The following GNA13 variants were observed in gnomAD, a reference collection of about 807,000 sequenced individuals.
GNA13 encodes the protein G protein subunit alpha 13.
Under a neutral mutation model 33.5 loss-of-function variants are expected in GNA13, and 4 were observed. The observed-to-expected ratio is 0.12, with a 90% confidence interval of 0.06 to 0.27. The LOEUF is 0.27. GNA13 is among the 10% of genes least tolerant of loss of function. The probability of loss-of-function intolerance (pLI) is 1.00; values close to 1 mark genes in which losing one functional copy is unlikely to be tolerated. For synonymous variants in GNA13, 176 were observed against 183.8 expected (o/e 0.96, Z 0.34); for missense variants, 319 against 487.2 (o/e 0.65, Z 3.25).
rs568406996 is a variant in GNA13, at chr17:65,022,322, TG to T, written c.511-4020del. Reference sequence around the variant, plus strand: ...ACTCTCATGACTCTGCACCACTGCTTGGTGCACCACAAACTGCAGTGACACA... The same window carrying T: ...ACTCTCATGACTCTGCACCACTGCTTGTGCACCACAAACTGCAGTGACACA... On this transcript the variant is annotated intron_variant, in intron 2 of 3. Coordinates refer to ENST00000439174, the MANE Select transcript of GNA13 (RefSeq NM_006572.6). Among the ~76,000 whole-genome samples, 411 of 152,018 alleles carry T rather than the reference TG, an allele frequency of 2.7e-3. 2 individuals are homozygous for T. Among genetic ancestry groups the T allele is most frequent in the African/African-American group, 9.6e-3 (396 of 41,442 alleles).
chr17:65,051,015 A>T (rs1907840172), intron 2 of GNA13, among the ~76,000 whole-genome samples: 1 of 152,170 alleles, frequency 6.6e-6, no homozygotes, highest in Non-Finnish European at 1.5e-5. Context: ...ATGCTTTCTC[A>T]ACAATGAGGA....
chr17:65,051,991 A>G (rs867271540), intron 2 of GNA13: 1 of 152,260 alleles, frequency 6.6e-6, no homozygotes, highest in Non-Finnish European at 1.5e-5. Flanking sequence ...TGTCAGTTTT[A>G]TAAAAAGCTA....
chr17:65,038,144 C>A (rs1359677985), intron 2 of GNA13, among the ~76,000 whole-genome samples: 1 of 152,176 alleles, frequency 6.6e-6, no homozygotes, highest in Non-Finnish European at 1.5e-5. Context: ...GTGGCTCATG[C>A]CTGTAATCCC....
At chr17:65,031,886 G>GAGAGAGAC in intron 2 of GNA13, among the ~76,000 whole-genome samples, 1 of 128,226 alleles carries the variant, frequency 7.8e-6, no homozygotes, top group South Asian at 2.7e-4. Context: ...GAGAGAGAGA[G>GAGAGAGAC]AGAGAGAGAA....
At chr17:65,020,124 G>A (rs926648056) in intron 2 of GNA13, among the ~76,000 whole-genome samples, 1 of 152,146 alleles carries the variant, frequency 6.6e-6, no homozygotes, top group Non-Finnish European at 1.5e-5. Context: ...CGAGGCAACT[G>A]GTATCCTCTC....
At chr17:65,022,995 T>C (rs906855615) in intron 2 of GNA13, among the ~76,000 whole-genome samples, 6 of 152,242 alleles carry the variant, frequency 3.9e-5, no homozygotes, top group Non-Finnish European at 8.8e-5. Context: ...CAATGCTCAG[T>C]TGTTGTTTAC....
intron 2 of GNA13, among the ~76,000 whole-genome samples, chr17:65,021,654 C>T (rs559496026): frequency 1.3e-5 from 2 of 152,300 alleles, no homozygotes; most frequent in East Asian, 3.9e-4. Context: ...AAAGAACACA[C>T]AAGAAGAACT....
At chr17:65,042,078 GCCAGC>G (rs1907473469) in intron 2 of GNA13, among the ~76,000 whole-genome samples, 1 of 152,108 alleles carries the variant, frequency 6.6e-6, no homozygotes, top group South Asian at 2.1e-4. Context: ...TGAAGAACCA[GCCAGC>G]CGCGGTGGCT....
Position 65,011,274 on chromosome 17 carries a change from C to T in GNA13, c.*2983G>A, listed in dbSNP as rs2143759692. 1 of 199,280 alleles carries T rather than the reference C, an allele frequency of 5.0e-6. No homozygotes were observed. The highest frequency in any genetic ancestry group is 1.0e-5 in the Non-Finnish European group (1 of 96,398). 12.3% of individuals were successfully genotyped at this position (199,280 alleles called of 1,614,324 possible). ...AACAGCCTCAATTTGAGAGACTAAC[C>T]AGAGGACCTTCTCTATGCAAATTAC... On this transcript the variant is annotated 3_prime_UTR_variant, in exon 4 of 4. Coordinates refer to ENST00000439174, the MANE Select transcript of GNA13 (RefSeq NM_006572.6).
At chr17:65,050,812 T>C (rs752622716) in intron 2 of GNA13, among the ~76,000 whole-genome samples, 4 of 152,196 alleles carry the variant, frequency 2.6e-5, no homozygotes, top group Non-Finnish European at 5.9e-5. Context: ...AGTTTAAAAT[T>C]AGGTCTTGCT....
intron 2 of GNA13, among the ~76,000 whole-genome samples, chr17:65,042,194 A>T (rs976148426): frequency 2.6e-5 from 4 of 151,988 alleles, no homozygotes; most frequent in Admixed American, 2.0e-4. Context: ...CCTTGTCTCT[A>T]CTAAAAATAC....
chr17:65,033,363 C>A (rs1354991429), intron 2 of GNA13, among the ~76,000 whole-genome samples: 1 of 151,662 alleles, frequency 6.6e-6, no homozygotes, highest in African/African-American at 2.4e-5. Flanking sequence ...GTGTGGTAGA[C>A]CTGTAGTCCA....
chr17:65,055,645 TG>T, intron 1 of GNA13: 1 of 985,372 alleles, frequency 1.0e-6, no homozygotes, highest in Non-Finnish European at 1.2e-6. Flanking sequence ...TCATGCTAAC[TG>T]TATGGGTCCA....
rs1418372956 is a variant in GNA13 at position 65,045,733 on chromosome 17, G to A, written c.510+7769C>T. The stretch of plus-strand genomic sequence containing the variant: ...AATAAAGAAAGAAGAAATGGTACAA[G>A]GATATTAGGAAAGTTCAGGATATAA... On this transcript the variant is annotated intron_variant, in intron 2 of 3. Coordinates refer to ENST00000439174, the MANE Select transcript of GNA13 (RefSeq NM_006572.6). Among the ~76,000 whole-genome samples the A allele has an allele frequency of 3.9e-5, 6 of 152,284 alleles. No individual in the cohort carries two copies. The South Asian group carries it at 1.0e-3, about 26-fold the overall frequency.
At chr17:65,022,287 A>G (rs958955091) in intron 2 of GNA13, among the ~76,000 whole-genome samples, 7 of 152,240 alleles carry the variant, frequency 4.6e-5, no homozygotes, top group African/African-American at 1.7e-4. Context: ...AGACTGAGGC[A>G]GTGTGTTGCA....
chr17:65,044,904 A>T (rs1438186259), intron 2 of GNA13, among the ~76,000 whole-genome samples: 1 of 151,846 alleles, frequency 6.6e-6, no homozygotes, highest in Non-Finnish European at 1.5e-5. Context: ...TTAGCCAGGC[A>T]TGGTGGCCCA....
At chr17:65,048,453 A>G (rs1334260578) in intron 2 of GNA13, among the ~76,000 whole-genome samples, 1 of 152,198 alleles carries the variant, frequency 6.6e-6, no homozygotes, top group Non-Finnish European at 1.5e-5. Flanking sequence ...AGTATTTCAA[A>G]TATTTAATTC....
At chr17:65,040,507 T>C (rs1356700700) in intron 2 of GNA13, among the ~76,000 whole-genome samples, 3 of 152,180 alleles carry the variant, frequency 2.0e-5, no homozygotes, top group Non-Finnish European at 4.4e-5. Flanking sequence ...CAGTATTATT[T>C]AGGTTTTGTT....
chr17:65,053,476 A>G, intron 2 of GNA13, 26 bp downstream of exon 2: 3 of 1,359,076 alleles, frequency 2.2e-6, no homozygotes, highest in Non-Finnish European at 3.2e-6. Flanking sequence ...ATAAAACCAC[A>G]CGTTTTAAAA....
Sources: gnomAD v4.1 joint callset for allele counts (sites outside exome capture counted in the v4.1 genomes callset) on GRCh38, gnomAD v4.1.1 for gene constraint, MANE v1.5 for transcripts, NCBI Gene and HGNC (gene_info 2026-07-23, HGNC 2026-07-21) for gene names.